Variants in ZCCHC4 observed in about 807,000 individuals in gnomAD.
The protein encoded by ZCCHC4 is zinc finger CCHC-type containing 4.
In ZCCHC4, 54 loss-of-function variants were observed where a neutral mutation model predicts 67.7. The observed-to-expected ratio is 0.80, with a 90% CI of 0.64 to 1.00. The LOEUF (loss-of-function observed/expected upper bound fraction) is 1.00. Ranked by LOEUF, ZCCHC4 falls within the 50% of genes least tolerant of loss-of-function variation. The pLI is 0.00. For synonymous variants in ZCCHC4, 198 were observed against 213.5 expected, an observed-to-expected ratio of 0.93 and a Z score of 0.63; for missense variants, 609 against 617.0, an observed-to-expected ratio of 0.99 and a Z score of 0.14.
At position 25,361,917 on chromosome 4, in the gene ZCCHC4, C is replaced by T. The variant is rs781782273; in HGVS notation, c.1070C>T (p.Pro357Leu). The T allele has an allele frequency of 1.9e-5, 30 of 1,613,724 alleles. No individual in the cohort carries two copies. Among genetic ancestry groups the T allele is most frequent in the Non-Finnish European group, 2.5e-5 (30 of 1,179,888 alleles). The change falls in exon 9 of 13, where the codon CCC (proline) becomes CTC (leucine). Residue 357 changes from proline to leucine, a missense_variant. By Grantham distance (98) the Pro-to-Leu change is moderately conservative. Transcript: ENST00000302874. Reference sequence around the variant, plus strand: ...GGAAAGACAGGTCGAAAACAGTCTCCCGTGCGTATTTTCACCAACATTCCG... The same window carrying T: ...GGAAAGACAGGTCGAAAACAGTCTCTCGTGCGTATTTTCACCAACATTCCG... ...KHGKTGRKQS[P>L]VRIFTNIPPN...
intron 12 of ZCCHC4, chr4:25,365,516 G>T (rs930445808): frequency 9.8e-7 from 1 of 1,019,240 alleles, no homozygotes. Flanking sequence ...TTGAGGGACA[G>T]ATCAGATATA....
rs200327926 is a variant in ZCCHC4, at chr4:25,364,528, T to C, written c.1261+23T>C. 579 of 1,525,270 alleles carry C rather than the reference T, an allele frequency of 3.8e-4. 1 individual carries two copies. Among genetic ancestry groups the C allele is most frequent in the Non-Finnish European group, 4.9e-4 (552 of 1,131,598 alleles). 94.5% of individuals were successfully genotyped at this position (1,525,270 alleles called of 1,614,324 possible). ...CTTGTAAGTATTGAGACTTAGTGTT[T>C]GAGATCCTATGAACATATTTTAGAG... On this transcript the variant is annotated intron_variant, in intron 11 of 12. Coordinates refer to ENST00000302874, the MANE Select transcript of ZCCHC4 (RefSeq NM_024936.3).
intron 5 of ZCCHC4, among the ~76,000 whole-genome samples, chr4:25,341,452 C>T (rs1248979450): frequency 2.0e-5 from 3 of 152,132 alleles, no homozygotes; most frequent in African/African-American, 7.2e-5. Context: ...GGCACCTGCT[C>T]CTCTCTTTCT....
intron 5 of ZCCHC4, among the ~76,000 whole-genome samples, chr4:25,337,248 GA>G (rs753544195): frequency 2.6e-5 from 4 of 152,168 alleles, no homozygotes; most frequent in Non-Finnish European, 5.9e-5. Flanking sequence ...TTACATTACT[GA>G]GGTCTGGGAT....
chr4:25,347,714 CT>C (rs752547659), intron 6 of ZCCHC4, among the ~76,000 whole-genome samples: 26 of 152,270 alleles, frequency 1.7e-4, no homozygotes, highest in South Asian at 4.1e-4. Flanking sequence ...CACCTCAGCA[CT>C]TTACAGTCCA....
intron 3 of ZCCHC4, among the ~76,000 whole-genome samples, chr4:25,317,493 C>G (rs1354752219): frequency 6.6e-6 from 1 of 151,922 alleles, no homozygotes; most frequent in African/African-American, 2.4e-5. Context: ...GGGTGGATCA[C>G]TTGAGGTCAG....
chr4:25,320,403 T>C (rs1410757060), intron 3 of ZCCHC4, among the ~76,000 whole-genome samples: 1 of 152,184 alleles, frequency 6.6e-6, no homozygotes, highest in Non-Finnish European at 1.5e-5. Context: ...ATTTTCAAGG[T>C]CTGCTCTTAG....
chr4:25,316,546 G>T (rs1003248846), intron 3 of ZCCHC4, among the ~76,000 whole-genome samples: 1 of 152,112 alleles, frequency 6.6e-6, no homozygotes, highest in Non-Finnish European at 1.5e-5. Flanking sequence ...TTGCAGCTTT[G>T]ATTTTTGTTT....
chr4:25,354,904 CCTTT>C (rs1222090578), intron 8 of ZCCHC4, among the ~76,000 whole-genome samples: 1 of 109,336 alleles, frequency 9.1e-6, no homozygotes, highest in African/African-American at 3.4e-5. Context: ...CTTGATTAGG[CCTTT>C]TTTTTTTTTT....
In ZCCHC4 at chr4:25,362,168, A is replaced by T. The variant is rs548798460; in HGVS notation, c.1134-58A>T. On this transcript the variant is annotated intron_variant, in intron 9 of 12. Transcript: ENST00000302874. ...TGTAATGAGTGCTTTGTAAAGTTTT[A>T]TCTACTCTGTAAATCTCAATAAATG... The T allele has an allele frequency of 5.3e-6, 8 of 1,516,800 alleles. No homozygotes were observed. In the Admixed American group the frequency reaches 5.7e-5, roughly 11 times the overall value. 94.0% of individuals were successfully genotyped at this position (1,516,800 alleles called of 1,614,324 possible).
intron 12 of ZCCHC4, chr4:25,365,947 C>T: frequency 1.0e-6 from 1 of 983,640 alleles, no homozygotes. Flanking sequence ...TAATGTTACA[C>T]AGTTATTAAT....
chr4:25,315,228 C>T lies in ZCCHC4; in HGVS notation c.247-90C>T, dbSNP rs147787096. On this transcript the variant is annotated intron_variant, in intron 2 of 12. Transcript: ENST00000302874. Reference sequence around the variant, plus strand: ...AATGCCTGTTGAGTTGGTTGAATTTCTGACTTCTTGATGTCAGAATGTGAT... The same window carrying T: ...AATGCCTGTTGAGTTGGTTGAATTTTTGACTTCTTGATGTCAGAATGTGAT... 50 of 1,167,702 alleles carry T rather than the reference C, an allele frequency of 4.3e-5. 2 individuals carry two copies. The highest frequency in any genetic ancestry group is 3.4e-4 in the East Asian group (13 of 37,956). The allele number at this position is 1,167,702 out of a possible 1,614,324, so 72.3% of individuals were successfully genotyped here. A position where few individuals can be genotyped will look rare whatever the true frequency, so the allele number is the denominator to read the frequency against.
chr4:25,320,081 A>G (rs1456604925), intron 3 of ZCCHC4, among the ~76,000 whole-genome samples: 1 of 152,108 alleles, frequency 6.6e-6, no homozygotes, highest in African/African-American at 2.4e-5. Flanking sequence ...AGGTTTACAG[A>G]GTAGGATTTG....
At chr4:25,316,357 C>T (rs1157670212) in intron 3 of ZCCHC4, among the ~76,000 whole-genome samples, 1 of 152,136 alleles carries the variant, frequency 6.6e-6, no homozygotes, top group Non-Finnish European at 1.5e-5. Context: ...GTGGAATTGT[C>T]AGTAATTCTG....
chr4:25,353,213 A>G (rs1720381302), intron 8 of ZCCHC4, among the ~76,000 whole-genome samples: 1 of 150,808 alleles, frequency 6.6e-6, no homozygotes, highest in African/African-American at 2.4e-5. Flanking sequence ...CCTTTTATGC[A>G]TATAATTTTT....
chr4:25,334,048 CT>C, intron 5 of ZCCHC4, 60 bp downstream of exon 5: 1 of 1,206,426 alleles, frequency 8.3e-7, no homozygotes, highest in Non-Finnish European at 1.2e-6. Context: ...TAATGTTTTT[CT>C]GTTTTTAATT....
intron 7 of ZCCHC4, 53 bp downstream of exon 7, chr4:25,349,695 T>G: frequency 5.7e-6 from 9 of 1,568,770 alleles, no homozygotes; most frequent in Non-Finnish European, 6.1e-6. Flanking sequence ...CTACTTCCTG[T>G]CAAATATTAG....
intron 3 of ZCCHC4, among the ~76,000 whole-genome samples, chr4:25,332,240 G>A (rs1719219757): frequency 6.7e-6 from 1 of 150,220 alleles, no homozygotes; most frequent in Admixed American, 6.7e-5. Flanking sequence ...CCCGAGAGGT[G>A]GAGGCTGCAG....
chr4:25,332,830 AAGTTAGACATG>A (rs754263769), intron 3 of ZCCHC4, among the ~76,000 whole-genome samples: 18 of 152,218 alleles, frequency 1.2e-4, no homozygotes, highest in Admixed American at 9.2e-4. Flanking sequence ...TAACAGATAA[AAGTTAGACATG>A]TGGATTTGTC....
Sources: gnomAD v4.1 joint callset for allele counts (sites outside exome capture counted in the v4.1 genomes callset) on GRCh38, gnomAD v4.1.1 for gene constraint, MANE v1.5 for transcripts, NCBI Gene and HGNC (gene_info 2026-07-23, HGNC 2026-07-21) for gene names.